TTYH1: variants seen among roughly 807,000 people sequenced by gnomAD.
TTYH1 encodes the protein protein tweety homolog 1.
A neutral mutation model predicts 61.2 loss-of-function variants in TTYH1; 33 were observed. The ratio of observed to expected loss-of-function variants is 0.54; its 90% confidence interval spans 0.41 to 0.72. TTYH1 has a LOEUF of 0.72. TTYH1 is among the 30% of genes least tolerant of loss of function. TTYH1 has a pLI of 0.00. For missense variants in TTYH1, 538 were observed against 575.8 expected (o/e 0.93, Z 0.67); for synonymous variants, 308 against 266.4 (o/e 1.16, Z -1.52).
In TTYH1 at chr19:54,429,158, A is replaced by G. The variant is rs1171279784; in HGVS notation, c.735-149A>G. 2 of 717,040 alleles carry G rather than the reference A, an allele frequency of 2.8e-6. No individual in the cohort carries two copies. Among genetic ancestry groups the G allele is most frequent in the Non-Finnish European group, 4.9e-6 (2 of 412,162 alleles). The allele number at this position is 717,040 out of a possible 1,614,324, so 44.4% of individuals were successfully genotyped here. A position where few individuals can be genotyped will look rare whatever the true frequency, so the allele number is the denominator to read the frequency against. The stretch of plus-strand genomic sequence containing the variant: ...ATCAGCAGCCACTGGCCTACCCCCA[A>G]CCACTGAACTTGTGTTTCCCTAATT... On this transcript the variant is annotated intron_variant, in intron 5 of 13. Transcript: ENST00000376530. The surrounding 1 kb of genome is among the most constrained non-coding windows in gnomAD (Gnocchi z 5.1).
chr19:54,429,754 A>G lies in TTYH1; in HGVS notation c.808-128A>G. 8 of 777,708 alleles carry G rather than the reference A, an allele frequency of 1.0e-5. No homozygotes were observed. Among genetic ancestry groups the G allele is most frequent in the Non-Finnish European group, 1.5e-5 (7 of 467,004 alleles). The allele number at this position is 777,708 out of a possible 1,614,324, so 48.2% of individuals were successfully genotyped here. ...CCTGGGGCCTGGACTCCTGAGTCTG[A>G]GGGAAGAGGGGCTGGGACCTGGACC... On this transcript the variant is annotated intron_variant, in intron 6 of 13. Transcript: ENST00000376530. The surrounding 1 kb of genome is among the most constrained non-coding windows in gnomAD (Gnocchi z 5.1).
Position 54,421,293 on chromosome 19 carries a change from G to T in TTYH1, c.322G>T (p.Gly108Cys). The T allele has an allele frequency of 6.2e-7, 1 of 1,613,274 alleles. No individual in the cohort carries two copies. The highest frequency in any genetic ancestry group is 8.5e-7 in the Non-Finnish European group (1 of 1,179,308). ...TCCGCTCAGCACTGGCATTGGCATC[G>T]GTTTCTATGGCAACAGTGAGACCAG... ...LLAGCTGIGIGFYGNSETSDG... is the reference protein window; with the variant it reads ...LLAGCTGIGICFYGNSETSDG... Residue 108 changes from glycine to cysteine, a missense_variant, in exon 3 of 14, where the codon GGT becomes TGT. Transcript: ENST00000376530. The surrounding 1 kb of genome is among the most constrained non-coding windows in gnomAD (Gnocchi z 4.8).
intron 1 of TTYH1, among the ~76,000 whole-genome samples, chr19:54,417,950 G>A (rs2083123451): frequency 6.6e-6 from 1 of 151,658 alleles, no homozygotes; most frequent in East Asian, 1.9e-4. Context: ...CATGGAGACA[G>A]CCCAAAGATA....
At position 54,429,283 on chromosome 19, in the gene TTYH1, C is replaced by T. The variant is rs1444003678; in HGVS notation, c.735-24C>T. The T allele has an allele frequency of 3.1e-6, 5 of 1,611,142 alleles. No individual in the cohort carries two copies. The highest frequency in any genetic ancestry group is 4.2e-6 in the Non-Finnish European group (5 of 1,177,496). ...AGGCTAGGAGATTAAGAACCCCGGG[C>T]TGATCCTCCCTCCCCCACTCTAGGA... On this transcript the variant is annotated intron_variant, in intron 5 of 13. Transcript: ENST00000376530. This position sits in a 1 kb window ranked among gnomAD's most constrained non-coding sequence, Gnocchi z 5.1.
intron 4 of TTYH1, among the ~76,000 whole-genome samples, chr19:54,423,406 C>T (rs1299506990): frequency 6.6e-6 from 1 of 152,056 alleles, no homozygotes; most frequent in Non-Finnish European, 1.5e-5. Context: ...CCATGTTAGC[C>T]AGGCTGGTCT....
In TTYH1 at chr19:54,423,308, C is replaced by T. The variant is rs143884773; in HGVS notation, c.638+898C>T. ...CGCCTCCTGGATTCAAGCGATTCTCCTGCCGCAGCCTCCCAAGTAGCTGGC... is the reference window on the plus strand; with the variant it reads ...CGCCTCCTGGATTCAAGCGATTCTCTTGCCGCAGCCTCCCAAGTAGCTGGC... On this transcript the variant is annotated intron_variant, in intron 4 of 13. Transcript: ENST00000376530. 5.0e-4 allele frequency among the ~76,000 whole-genome samples: 76 copies of T among 151,892 alleles called. No individual in the cohort carries two copies. In the East Asian group the frequency reaches 0.014, roughly 28 times the overall value.
intron 4 of TTYH1, chr19:54,426,401 C>T: frequency 4.0e-6 from 2 of 499,450 alleles, no homozygotes; most frequent in Non-Finnish European, 7.3e-6. Flanking sequence ...TCCCTGGTCA[C>T]AGGGCACATG....
intron 10 of TTYH1, 28 bp downstream of exon 10, chr19:54,431,219 C>G (rs1323436762): frequency 1.3e-6 from 2 of 1,555,786 alleles, no homozygotes; most frequent in Non-Finnish European, 1.8e-6. Flanking sequence ...CCAATTTCTT[C>G]TCCCACGGGG....
intron 4 of TTYH1, among the ~76,000 whole-genome samples, chr19:54,423,050 C>T (rs1289015822): frequency 5.3e-5 from 8 of 152,002 alleles, no homozygotes; most frequent in Non-Finnish European, 1.2e-4. Flanking sequence ...ACCCCCTCCA[C>T]GTCACTCCAC....
At chr19:54,417,020 C>G in intron 1 of TTYH1, 9 of 1,149,494 alleles carry the variant, frequency 7.8e-6, no homozygotes, top group Non-Finnish European at 9.9e-6. Context: ...CCGAGGAGGG[C>G]AAGGGGGACC....
At chr19:54,430,510 C>T in intron 7 of TTYH1, 40 bp from the exon 8 acceptor site, 2 of 1,609,300 alleles carry the variant, frequency 1.2e-6, no homozygotes, top group African/African-American at 2.7e-5. Context: ...CCTGGGGGCC[C>T]AGGCTCATGG....
At chr19:54,435,770 G>T in intron 11 of TTYH1, 58 bp from the exon 12 acceptor site, 1 of 1,612,816 alleles carries the variant, frequency 6.2e-7, no homozygotes, top group Non-Finnish European at 8.5e-7. Context: ...GGTGGGGGGT[G>T]CAGCCTCCTG....
In TTYH1 at chr19:54,421,069, C is replaced by A. The variant is rs972078797; in HGVS notation, c.306-208C>A. 1.3e-5 allele frequency among the ~76,000 whole-genome samples: 2 copies of A among 152,134 alleles called. No homozygotes were observed. Among genetic ancestry groups the A allele is most frequent in the African/African-American group, 4.8e-5 (2 of 41,442 alleles). ...CATTAACATCACAATGACGTCCCTCCGCTGGGGGAGTGAGGCCTTCCCGTT... is the reference window on the plus strand; with the variant it reads ...CATTAACATCACAATGACGTCCCTCAGCTGGGGGAGTGAGGCCTTCCCGTT... On this transcript the variant is annotated intron_variant, in intron 2 of 13. Transcript: ENST00000376530. This position sits in a 1 kb window ranked among gnomAD's most constrained non-coding sequence, Gnocchi z 4.8.
At position 54,419,289 on chromosome 19, in the gene TTYH1, C is replaced by T. The variant is rs142265106; in HGVS notation, c.288C>T (p.Val96=). The T allele has an allele frequency of 1.7e-4, 269 of 1,600,254 alleles. 1 individual carries two copies. Among genetic ancestry groups the T allele is most frequent in the Admixed American group, 4.7e-4 (28 of 59,774 alleles). Residue 96 remains valine (V), a synonymous_variant, in exon 2 of 14, where the codon GTC becomes GTT. Coordinates refer to ENST00000376530, the MANE Select transcript of TTYH1 (RefSeq NM_020659.4). This position sits in a 1 kb window ranked among gnomAD's most constrained non-coding sequence, Gnocchi z 6.1. ...GCTGCGTCACCTGGAGCTGCATTGTCGCCCTTCTCGCCGGCTGGTAATGGG... is the reference window on the plus strand; with the variant it reads ...GCTGCGTCACCTGGAGCTGCATTGTTGCCCTTCTCGCCGGCTGGTAATGGG... ...GGGCVTWSCI[V]ALLAGCTGIG...
intron 1 of TTYH1, among the ~76,000 whole-genome samples, chr19:54,418,088 AC>A (rs1193174600): frequency 6.6e-6 from 1 of 152,026 alleles, no homozygotes; most frequent in Non-Finnish European, 1.5e-5. Context: ...TTTAGGGGAA[AC>A]AGCCTTGGCA....
rs952967398 is a variant in TTYH1 at position 54,415,561 on chromosome 19, G to T, written c.9G>T (p.Ala3=). The change falls in exon 1 of 14, where the codon GCG becomes GCT. Residue 3 remains alanine (A), a synonymous_variant. Coordinates refer to ENST00000376530, the MANE Select transcript of TTYH1 (RefSeq NM_020659.4). This position sits in a 1 kb window ranked among gnomAD's most constrained non-coding sequence, Gnocchi z 5.2. ...CCCCTCCCCCGGGGGCCATGGGGGCGCCCCCGGGCTACCGGCCCTCAGCTT... is the reference window on the plus strand; with the variant it reads ...CCCCTCCCCCGGGGGCCATGGGGGCTCCCCCGGGCTACCGGCCCTCAGCTT... MG[A]PPGYRPSAWV... is the part of the protein sequence containing the mutation. 1.4e-6 allele frequency: 2 copies of T among 1,475,008 alleles called. No individual in the cohort carries two copies. The highest frequency in any genetic ancestry group is 1.8e-6 in the Non-Finnish European group (2 of 1,117,852). 91.4% of individuals were successfully genotyped at this position (1,475,008 alleles called of 1,614,324 possible). A position where few individuals can be genotyped will look rare whatever the true frequency, so the allele number is the denominator to read the frequency against.
chr19:54,429,716 G>A lies in TTYH1; in HGVS notation c.808-166G>A, dbSNP rs1169925521. 1.3e-5 allele frequency among the ~76,000 whole-genome samples: 2 copies of A among 151,510 alleles called. No homozygotes were observed. Among genetic ancestry groups the A allele is most frequent in the African/African-American group, 4.9e-5 (2 of 41,208 alleles). ...CTGGAGAGTCTGAACCCCTGAGTCT[G>A]AGGGACGAGGGGCCTGGGGCCTGGA... is the stretch of plus-strand genomic sequence containing the variant. On this transcript the variant is annotated intron_variant, in intron 6 of 13. Coordinates refer to ENST00000376530, the MANE Select transcript of TTYH1 (RefSeq NM_020659.4). The surrounding 1 kb of genome is among the most constrained non-coding windows in gnomAD (Gnocchi z 5.1).
chr19:54,435,225 A>G (rs1215448903), intron 10 of TTYH1: 1 of 330,112 alleles, frequency 3.0e-6, no homozygotes, highest in Non-Finnish European at 5.6e-6. Flanking sequence ...GACTGGTTCT[A>G]GATGTGGGGT....
At chr19:54,430,149 C>T (rs2083405086) in intron 7 of TTYH1, among the ~76,000 whole-genome samples, 192 bp downstream of exon 7, 1 of 152,174 alleles carries the variant, frequency 6.6e-6, no homozygotes, top group Non-Finnish European at 1.5e-5. Context: ...GCCCCGCCAC[C>T]CGCCAGACCC....
Sources: allele counts gnomAD v4.1 joint callset (sites outside exome capture counted in the v4.1 genomes callset), GRCh38; gene constraint gnomAD v4.1.1; non-coding constraint Gnocchi (gnomAD v3.1); transcripts MANE v1.5; gene names NCBI Gene and HGNC (gene_info 2026-07-23, HGNC 2026-07-21).